NAALADL2: variants seen among roughly 807,000 people sequenced by gnomAD.
NAALADL2 encodes the protein inactive N-acetylated-alpha-linked acidic dipeptidase-like protein 2.
In NAALADL2, 76 loss-of-function variants were observed where a neutral mutation model predicts 87.2. That is an observed-to-expected ratio of 0.87 (90% CI 0.72 to 1.05). The LOEUF (loss-of-function observed/expected upper bound fraction) is 1.05. NAALADL2 is among the 50% of genes least tolerant of loss of function. The probability of loss-of-function intolerance (pLI) is 0.00; values close to 1 mark genes in which losing one functional copy is unlikely to be tolerated. For missense variants in NAALADL2, 1,089 were observed against 945.8 expected (o/e 1.15, Z -1.99); for synonymous variants, 354 against 331.0 (o/e 1.07, Z -0.75).
At chr3:174,476,356 A>G (rs1306563109) in intron 1 of NAALADL2, among the ~76,000 whole-genome samples, 5 of 151,546 alleles carry the variant, frequency 3.3e-5, no homozygotes, top group African/African-American at 1.2e-4. Context: ...TAGATCAGTT[A>G]TGATATGTTC....
At chr3:175,044,007 G>A (rs547403767) in intron 1 of NAALADL2, among the ~76,000 whole-genome samples, 1 of 152,010 alleles carries the variant, frequency 6.6e-6, no homozygotes. Flanking sequence ...CAATCTGTGA[G>A]CATAGGATAT....
intron 1 of NAALADL2, among the ~76,000 whole-genome samples, chr3:175,001,400 A>C (rs1000748723): frequency 6.6e-6 from 1 of 152,142 alleles, no homozygotes; most frequent in East Asian, 1.9e-4. Context: ...ATAATTTCCC[A>C]GGTGATTCAC....
At chr3:174,588,450 G>T (rs188169431) in intron 2 of NAALADL2, among the ~76,000 whole-genome samples, 1 of 152,138 alleles carries the variant, frequency 6.6e-6, no homozygotes, top group Non-Finnish European at 1.5e-5. Flanking sequence ...GAGAAGAGGC[G>T]CTCTGATTTT....
chr3:175,662,515 C>T (rs1732406676), intron 11 of NAALADL2, among the ~76,000 whole-genome samples: 1 of 151,866 alleles, frequency 6.6e-6, no homozygotes, highest in Non-Finnish European at 1.5e-5. Context: ...GCTAGGACTT[C>T]CAGTACTAAG....
At chr3:175,335,038 A>G (rs1005843794) in intron 5 of NAALADL2, among the ~76,000 whole-genome samples, 6 of 152,214 alleles carry the variant, frequency 3.9e-5, no homozygotes, top group East Asian at 1.9e-4. Flanking sequence ...CTATCTGCTG[A>G]CAGAACTCAC....
chr3:174,981,131 TC>T (rs1308172773), intron 1 of NAALADL2, among the ~76,000 whole-genome samples: 1 of 152,148 alleles, frequency 6.6e-6, no homozygotes, highest in African/African-American at 2.4e-5. Context: ...AAGTCGGTTT[TC>T]CCCCTACTCG....
rs376001062 is a variant in NAALADL2 at position 174,713,394 on chromosome 3, G to A, written c.-114-24247G>A. 1.0e-3 allele frequency among the ~76,000 whole-genome samples: 158 copies of A among 152,226 alleles called. 1 individual carries two copies. The East Asian group carries it at 0.019, about 18-fold the overall frequency. On this transcript the variant is annotated intron_variant, in intron 2 of 3. Transcript: ENST00000434257. ...GAATCGCCACACTGACTTCCACAAC[G>A]GTTGAACTAGTTTACAGTCCCACCA...
intron 2 of NAALADL2, among the ~76,000 whole-genome samples, chr3:174,719,485 C>A (rs1731505808): frequency 6.6e-6 from 1 of 152,064 alleles, no homozygotes; most frequent in South Asian, 2.1e-4. Context: ...CTTATGTTTT[C>A]TATATTTTGT....
intron 1 of NAALADL2, among the ~76,000 whole-genome samples, chr3:174,865,973 C>G (rs1727091944): frequency 6.6e-6 from 1 of 151,766 alleles, no homozygotes; most frequent in African/African-American, 2.4e-5. Context: ...GACAATGTAA[C>G]AGTTAAAATT....
chr3:175,095,580 T>A (rs1248510524), intron 1 of NAALADL2, among the ~76,000 whole-genome samples: 1 of 152,142 alleles, frequency 6.6e-6, no homozygotes, highest in Non-Finnish European at 1.5e-5. Flanking sequence ...TAGGAAATTT[T>A]AATTATATGG....
chr3:175,732,686 T>G (rs1242188722), intron 11 of NAALADL2, among the ~76,000 whole-genome samples: 2 of 152,128 alleles, frequency 1.3e-5, no homozygotes, highest in Non-Finnish European at 2.9e-5. Flanking sequence ...AGGGAGACCT[T>G]GAGGCTCTTT....
chr3:175,584,186 C>T (rs770533325), intron 10 of NAALADL2, among the ~76,000 whole-genome samples: 1 of 151,980 alleles, frequency 6.6e-6, no homozygotes. Flanking sequence ...TACAGGCATG[C>T]ACCACCATGC....
intron 4 of NAALADL2, among the ~76,000 whole-genome samples, chr3:175,315,867 G>A (rs564236114): frequency 6.6e-6 from 1 of 151,962 alleles, no homozygotes; most frequent in African/African-American, 2.4e-5. Flanking sequence ...CTATTTTAAG[G>A]CTTTTTTAAC....
At chr3:174,991,906 C>T (rs554341308) in intron 1 of NAALADL2, among the ~76,000 whole-genome samples, 1 of 152,040 alleles carries the variant, frequency 6.6e-6, no homozygotes, top group East Asian at 1.9e-4. Flanking sequence ...ATTGAAAATC[C>T]ATAGGAGTTT....
chr3:175,235,741 T>C (rs184291450), intron 3 of NAALADL2: 1 of 152,332 alleles, frequency 6.6e-6, no homozygotes, highest in Admixed American at 6.5e-5. Context: ...CACCAGGAAC[T>C]TGAGTGGATC....
chr3:175,754,056 A>G (rs1162612696), intron 12 of NAALADL2, among the ~76,000 whole-genome samples: 1 of 152,196 alleles, frequency 6.6e-6, no homozygotes, highest in Non-Finnish European at 1.5e-5. Flanking sequence ...GATATCTGGA[A>G]GAAGATGTGA....
chr3:175,151,996 A>G (rs982080429), intron 2 of NAALADL2, among the ~76,000 whole-genome samples: 1 of 152,178 alleles, frequency 6.6e-6, no homozygotes, highest in Non-Finnish European at 1.5e-5. Context: ...TTTGCTATTT[A>G]ACAGATTAAA....
At chr3:174,872,995 G>A (rs924396482) in intron 1 of NAALADL2, among the ~76,000 whole-genome samples, 13 of 152,080 alleles carry the variant, frequency 8.5e-5, no homozygotes, top group Non-Finnish European at 1.9e-4. Context: ...CTCACAGTGA[G>A]AACTAATGAA....
At chr3:175,056,973 GT>G (rs1304447688) in intron 1 of NAALADL2, among the ~76,000 whole-genome samples, 2 of 152,188 alleles carry the variant, frequency 1.3e-5, no homozygotes, top group Admixed American at 6.5e-5. Context: ...TTTATGGCCA[GT>G]TTTGGGGCCA....
Sources: allele counts gnomAD v4.1 joint callset (sites outside exome capture counted in the v4.1 genomes callset), GRCh38; gene constraint gnomAD v4.1.1; transcripts MANE v1.5; gene names NCBI Gene and HGNC (gene_info 2026-07-23, HGNC 2026-07-21).